TBX2: variants seen among roughly 807,000 people sequenced by gnomAD.
TBX2 encodes the protein T-box transcription factor TBX2.
Under a neutral mutation model 48.4 loss-of-function variants are expected in TBX2, and 19 were observed. The observed-to-expected ratio is 0.39, with a 90% CI of 0.27 to 0.58. The LOEUF (loss-of-function observed/expected upper bound fraction) is 0.58, where lower values mean the gene tolerates loss of function less well. TBX2 is among the 20% of genes least tolerant of loss of function. TBX2 has a pLI of 0.54. For synonymous variants in TBX2, 522 were observed against 459.7 expected, an observed-to-expected ratio of 1.14 and a Z score of -1.73; for missense variants, 994 against 1,006.5, an observed-to-expected ratio of 0.99 and a Z score of 0.17.
Position 61,405,291 on chromosome 17 carries a change from G to A in TBX2, c.1141G>A (p.Ala381Thr). The change falls in exon 6 of 7, where the codon GCT becomes ACT. Residue 381 changes from alanine to threonine, a missense_variant. This residue lies in a region of TBX2 where 639 missense variants were observed against 613.2 expected (regional missense o/e 1.04). Coordinates refer to ENST00000240328, the MANE Select transcript of TBX2 (RefSeq NM_005994.4). ...GGGGGCGCCGCTAGGCCGCAGCCCG[G>A]CTCCAGACAGCGCCAGCCCCACTCG... The part of the protein sequence containing the change: ...RAGAPLGRSP[A>T]PDSASPTRLT... 1.3e-6 allele frequency: 2 copies of A among 1,560,472 alleles called. No homozygotes were observed. Among genetic ancestry groups the A allele is most frequent in the South Asian group, 2.3e-5 (2 of 85,650 alleles).
chr17:61,408,440 C>G lies in TBX2; in HGVS notation c.2073C>G (p.Ile691Met). 1 of 1,508,598 alleles carries G rather than the reference C, an allele frequency of 6.6e-7. No individual in the cohort carries two copies. 93.5% of individuals were successfully genotyped at this position (1,508,598 alleles called of 1,614,324 possible). The stretch of plus-strand genomic sequence containing the variant: ...AGGCGGCCAATGAACTGCAGAGCAT[C>G]CAGAGACTGGTGAGTGGGCTGGAGA... ...AKEAANELQSIQRLVSGLESQ... is the reference protein window; with the variant it reads ...AKEAANELQSMQRLVSGLESQ... Residue 691 changes from isoleucine to methionine, a missense_variant, in exon 7 of 7, where the codon ATC becomes ATG. By Grantham distance (10) the Ile-to-Met change is conservative. This residue lies in a region of TBX2 where 639 missense variants were observed against 613.2 expected (regional missense o/e 1.04). Transcript: ENST00000240328.
chr17:61,400,213 T>A lies in TBX2; in HGVS notation c.37T>A (p.Tyr13Asn). ...EPALAASAMAYHPFHAPRPAD... is the reference protein window; with the variant it reads ...EPALAASAMANHPFHAPRPAD... ...GGCGCTGGCGGCCAGCGCCATGGCTTACCACCCGTTCCACGCGCCACGGCC... is the reference window on the plus strand; with the variant it reads ...GGCGCTGGCGGCCAGCGCCATGGCTAACCACCCGTTCCACGCGCCACGGCC... The change falls in exon 1 of 7, where the codon TAC (tyrosine) becomes AAC (asparagine). Residue 13 changes from tyrosine (Y) to asparagine (N), a missense_variant. Around this residue, in one of 5 missense-constraint regions of TBX2, gnomAD observed 165 missense variants for 136.8 expected, o/e 1.21. Transcript: ENST00000240328. The surrounding 1 kb of genome is among the most constrained non-coding windows in gnomAD (Gnocchi z 9.2). The A allele has an allele frequency of 2.5e-6, 3 of 1,208,738 alleles. No individual in the cohort carries two copies. The highest frequency in any genetic ancestry group is 3.2e-6 in the Non-Finnish European group (3 of 948,452). 74.9% of individuals were successfully genotyped at this position (1,208,738 alleles called of 1,614,324 possible). A position where few individuals can be genotyped will look rare whatever the true frequency, so the allele number is the denominator to read the frequency against.
Position 61,408,820 on chromosome 17 carries a change from C to T in TBX2, c.*314C>T, listed in dbSNP as rs1232788581. The T allele has an allele frequency of 1.7e-5, 5 of 297,528 alleles. No homozygotes were observed. The highest frequency in any genetic ancestry group is 4.3e-5 in the African/African-American group (2 of 46,098). 18.4% of individuals were successfully genotyped at this position (297,528 alleles called of 1,614,324 possible). On this transcript the variant is annotated 3_prime_UTR_variant, in exon 7 of 7. Coordinates refer to ENST00000240328, the MANE Select transcript of TBX2 (RefSeq NM_005994.4). ...GGGAGAGGCCTCATCCAGGGCCCAG[C>T]GGTCCCTGCAGAAGCCAGAAGGTGC...
intron 2 of TBX2, 89 bp from the exon 3 acceptor site, chr17:61,402,972 A>AGAGGGAGAGAGAGAAGTGGAG (rs2060270779): frequency 1.4e-6 from 1 of 725,352 alleles, no homozygotes; most frequent in Non-Finnish European, 1.8e-6. Context: ...GAGAGAGAGA[A>AGAGGGAGAGAGAGAAGTGGAG]AGTGGAGAGG....
At position 61,400,260 on chromosome 17, in the gene TBX2, C is replaced by T. The variant is rs2060258490; in HGVS notation, c.84C>T (p.Ala28=). The part of the protein sequence containing the change: ...APRPADFPMS[A]FLAAAQPSFF... ...GGCCCGCCGACTTCCCCATGTCCGC[C>T]TTTCTGGCGGCGGCGCAGCCCTCCT... Residue 28 remains alanine, a synonymous_variant, in exon 1 of 7, where the codon GCC becomes GCT. Coordinates refer to ENST00000240328, the MANE Select transcript of TBX2 (RefSeq NM_005994.4). This position sits in a 1 kb window ranked among gnomAD's most constrained non-coding sequence, Gnocchi z 9.2. The T allele has an allele frequency of 1.7e-6, 2 of 1,203,034 alleles. No homozygotes were observed. Among genetic ancestry groups the T allele is most frequent in the Non-Finnish European group, 2.1e-6 (2 of 944,954 alleles). 74.5% of individuals were successfully genotyped at this position (1,203,034 alleles called of 1,614,324 possible).
chr17:61,405,327 C>T lies in TBX2; in HGVS notation c.1177C>T (p.Pro393Ser), dbSNP rs1451026995. 2 of 1,546,336 alleles carry T rather than the reference C, an allele frequency of 1.3e-6. No homozygotes were observed. Among genetic ancestry groups the T allele is most frequent in the Non-Finnish European group, 1.7e-6 (2 of 1,152,800 alleles). ...DSASPTRLTEPERARERRSPE... is the reference protein window; with the variant it reads ...DSASPTRLTESERARERRSPE... ...CGCCAGCCCCACTCGCTTGACCGAA[C>T]CCGAGCGCGCCCGGGAGCGGCGTAG... Residue 393 changes from proline (P) to serine (S), a missense_variant, in exon 6 of 7, where the codon CCC becomes TCC. Pro to Ser is a moderately conservative substitution (Grantham distance 74). Around this residue, in one of 5 missense-constraint regions of TBX2, gnomAD observed 639 missense variants for 613.2 expected, o/e 1.04. Transcript: ENST00000240328.
chr17:61,402,548 G>A (rs2060268211), intron 2 of TBX2, among the ~76,000 whole-genome samples: 1 of 152,020 alleles, frequency 6.6e-6, no homozygotes, highest in Non-Finnish European at 1.5e-5. Flanking sequence ...TGTTTCATAG[G>A]GTAAAAGGAA....
At chr17:61,407,731 C>T in intron 6 of TBX2, 2 of 296,980 alleles carry the variant, frequency 6.7e-6, no homozygotes, top group Non-Finnish European at 1.2e-5. Context: ...CTATGCCTGC[C>T]CCGTTTTCTC....
rs376245627 is a variant in TBX2, at chr17:61,405,853, C to T, written c.1686+17C>T. The stretch of plus-strand genomic sequence containing the variant: ...GCATCTCAGGTAAGGCCTGTGACCC[C>T]GCGGCAGCGCCAGCGAGGGAGAAGG... On this transcript the variant is annotated intron_variant, in intron 6 of 6. Transcript: ENST00000240328. 11 of 1,285,868 alleles carry T rather than the reference C, an allele frequency of 8.6e-6. No individual in the cohort carries two copies. The highest frequency in any genetic ancestry group is 1.1e-5 in the Non-Finnish European group (11 of 1,021,540). The allele number at this position is 1,285,868 out of a possible 1,614,324, so 79.7% of individuals were successfully genotyped here.
At position 61,400,362 on chromosome 17, in the gene TBX2, C is replaced by CGCGGCG. The variant is rs539663160; in HGVS notation, c.198_203dup (p.Ala70_Ala71dup). 1.6e-4 allele frequency: 166 copies of CGCGGCG among 1,033,830 alleles called. No homozygotes were observed. The highest frequency in any genetic ancestry group is 5.2e-4 in the African/African-American group (30 of 57,928). The allele number at this position is 1,033,830 out of a possible 1,614,324, so 64.0% of individuals were successfully genotyped here. On this transcript the variant is annotated inframe_insertion, in exon 1 of 7. Coordinates refer to ENST00000240328, the MANE Select transcript of TBX2 (RefSeq NM_005994.4). The surrounding 1 kb of genome is among the most constrained non-coding windows in gnomAD (Gnocchi z 9.2). Reference sequence around the variant, plus strand: ...ACCCGGGCCTGGCGGGGGCGGCGGCCGCGGCGGCGGCGGCGGCAGCAGCGG... The same window carrying CGCGGCG: ...ACCCGGGCCTGGCGGGGGCGGCGGCCGCGGCGGCGGCGGCGGCGGCGGCAGCAGCGG...
intron 2 of TBX2, among the ~76,000 whole-genome samples, chr17:61,402,477 G>C (rs1415917418): frequency 7.0e-6 from 1 of 142,374 alleles, no homozygotes; most frequent in Non-Finnish European, 1.5e-5. Flanking sequence ...CCAACTAGGA[G>C]GAGAGGGTTT....
chr17:61,406,188 A>C lies in TBX2; in HGVS notation c.1686+352A>C, dbSNP rs2060288306. 4.0e-6 allele frequency: 1 copy of C among 249,288 alleles called. No homozygotes were observed. The highest frequency in any genetic ancestry group is 5.6e-5 in the Admixed American group (1 of 17,984). 15.4% of individuals were successfully genotyped at this position (249,288 alleles called of 1,614,324 possible). On this transcript the variant is annotated intron_variant, in intron 6 of 6. Coordinates refer to ENST00000240328, the MANE Select transcript of TBX2 (RefSeq NM_005994.4). This position sits in a 1 kb window ranked among gnomAD's most constrained non-coding sequence, Gnocchi z 5.7. ...GACCAGGGCCACCCCTGGCTTGTGA[A>C]GTCTTCTCTCCTGGCCTCAGGACAT...
In TBX2 at chr17:61,406,046, G is replaced by A; in HGVS notation, c.1686+210G>A. On this transcript the variant is annotated intron_variant, in intron 6 of 6. Coordinates refer to ENST00000240328, the MANE Select transcript of TBX2 (RefSeq NM_005994.4). The surrounding 1 kb of genome is among the most constrained non-coding windows in gnomAD (Gnocchi z 5.7). The stretch of plus-strand genomic sequence containing the variant: ...TGTAAGTCCAGGGGCTGGCCAGGGC[G>A]CCGCTTCTGACTCCCGTGTGACCTT... The A allele has an allele frequency of 2.2e-6, 1 of 455,692 alleles. No individual in the cohort carries two copies. The highest frequency in any genetic ancestry group is 1.2e-4 in the South Asian group (1 of 8,326). 28.2% of individuals were successfully genotyped at this position (455,692 alleles called of 1,614,324 possible). A position where few individuals can be genotyped will look rare whatever the true frequency, so the allele number is the denominator to read the frequency against.
At position 61,401,855 on chromosome 17, in the gene TBX2, C is replaced by T. The variant is rs573739161; in HGVS notation, c.567C>T (p.His189=). The part of the protein sequence containing the change: ...DPEMPKRMYI[H]PDSPATGEQW... Reference sequence around the variant, plus strand: ...AGATGCCCAAACGCATGTACATCCACCCAGACAGCCCAGCCACGGGGGAGC... The same window carrying T: ...AGATGCCCAAACGCATGTACATCCATCCAGACAGCCCAGCCACGGGGGAGC... Residue 189 remains histidine, a synonymous_variant, in exon 2 of 7, where the codon CAC becomes CAT. Transcript: ENST00000240328. 3.1e-6 allele frequency: 5 copies of T among 1,613,066 alleles called. No individual in the cohort carries two copies. The East Asian group carries it at 6.7e-5, about 22-fold the overall frequency.
At chr17:61,402,600 T>C (rs1014595896) in intron 2 of TBX2, among the ~76,000 whole-genome samples, 15 of 151,904 alleles carry the variant, frequency 9.9e-5, no homozygotes, top group African/African-American at 3.6e-4. Flanking sequence ...CCCCCGAAGG[T>C]TGGAATCTCC....
Position 61,405,544 on chromosome 17 carries a change from T to C in TBX2, c.1394T>C (p.Leu465Pro). 10 of 1,593,154 alleles carry C rather than the reference T, an allele frequency of 6.3e-6. No homozygotes were observed. The highest frequency in any genetic ancestry group is 8.5e-6 in the Non-Finnish European group (10 of 1,173,420). The change falls in exon 6 of 7, where the codon CTG (leucine) becomes CCG (proline). Residue 465 changes from leucine to proline, a missense_variant. By Grantham distance (98) the Leu-to-Pro change is moderately conservative. Transcript: ENST00000240328. ...GCGTCCCCCCTGGGCGCCGGACACCTGCCCGGCCTGGCCTTTTCCAGCCAC... is the reference window on the plus strand; with the variant it reads ...GCGTCCCCCCTGGGCGCCGGACACCCGCCCGGCCTGGCCTTTTCCAGCCAC... Reference protein sequence around the residue: ...DSASPLGAGHLPGLAFSSHLH... With the variant: ...DSASPLGAGHPPGLAFSSHLH...
chr17:61,400,474 G>C lies in TBX2; in HGVS notation c.298G>C (p.Glu100Gln). ...CCTCAAGAGCCTGGAGCCCGAGGAC[G>C]AGGTGGAGGACGACCCCAAGGTGAC... The part of the protein sequence containing the change: ...RSLKSLEPED[E>Q]VEDDPKVTLE... The change falls in exon 1 of 7, where the codon GAG becomes CAG. Residue 100 changes from glutamate (E) to glutamine (Q), a missense_variant. Glu to Gln is a conservative substitution (Grantham distance 29). This residue lies in a region of TBX2 where 165 missense variants were observed against 136.8 expected (regional missense o/e 1.21). Transcript: ENST00000240328. This position sits in a 1 kb window ranked among gnomAD's most constrained non-coding sequence, Gnocchi z 9.2. The C allele has an allele frequency of 6.2e-7, 1 of 1,601,436 alleles. No individual in the cohort carries two copies. Among genetic ancestry groups the C allele is most frequent in the South Asian group, 1.1e-5 (1 of 88,564 alleles).
At chr17:61,407,902 C>T in intron 6 of TBX2, 152 bp from the exon 7 acceptor site, 1 of 1,008,264 alleles carries the variant, frequency 9.9e-7, no homozygotes, top group Non-Finnish European at 1.4e-6. Context: ...CTGGCTCATG[C>T]TTACCTGTGC....
Position 61,408,851 on chromosome 17 carries a change from C to T in TBX2, c.*345C>T. ...CTGCAGAAGCCAGAAGGTGCAGGGG[C>T]CAGGGGTGGGAGCATCGGAGGGAGT... is the stretch of plus-strand genomic sequence containing the variant. On this transcript the variant is annotated 3_prime_UTR_variant, in exon 7 of 7. Transcript: ENST00000240328. 1 of 241,336 alleles carries T rather than the reference C, an allele frequency of 4.1e-6. No individual in the cohort carries two copies. The highest frequency in any genetic ancestry group is 7.9e-6 in the Non-Finnish European group (1 of 127,064). The allele number at this position is 241,336 out of a possible 1,614,324, so 14.9% of individuals were successfully genotyped here. A position where few individuals can be genotyped will look rare whatever the true frequency, so the allele number is the denominator to read the frequency against.
Sources: gnomAD v4.1 joint callset for allele counts (sites outside exome capture counted in the v4.1 genomes callset) on GRCh38, gnomAD v4.1.1 for gene constraint, gnomAD v4.1.1 regional missense constraint, Gnocchi (gnomAD v3.1) non-coding constraint, MANE v1.5 for transcripts, NCBI Gene and HGNC (gene_info 2026-07-23, HGNC 2026-07-21) for gene names.